AKT3: variants seen among roughly 807,000 people sequenced by gnomAD.
AKT3 encodes the protein RAC-gamma serine/threonine-protein kinase.
AKT3 carries 15 observed loss-of-function variants against 65.3 expected under a neutral mutation model. The observed-to-expected ratio is 0.23, with a 90% CI of 0.15 to 0.35. The LOEUF is 0.35. Ranked by LOEUF, AKT3 falls within the 10% of genes least tolerant of loss-of-function variation. AKT3 has a pLI of 1.00. For synonymous variants in AKT3, 206 were observed against 183.8 expected, an observed-to-expected ratio of 1.12 and a Z score of -0.98; for missense variants, 243 against 576.5, an observed-to-expected ratio of 0.42 and a Z score of 5.92.
At chr1:243,640,516 T>C (rs915004391) in intron 5 of AKT3, among the ~76,000 whole-genome samples, 1 of 152,178 alleles carries the variant, frequency 6.6e-6, no homozygotes, top group Non-Finnish European at 1.5e-5. Flanking sequence ...TTCTCTCTCT[T>C]GGAAAGCTCT....
At chr1:243,667,882 C>T (rs1682907137) in intron 3 of AKT3, among the ~76,000 whole-genome samples, 1 of 152,132 alleles carries the variant, frequency 6.6e-6, no homozygotes, top group African/African-American at 2.4e-5. Context: ...GCACTACACT[C>T]TTTCTGCTTT....
At chr1:243,767,956 G>A (rs1689935136) in intron 2 of AKT3, among the ~76,000 whole-genome samples, 1 of 151,632 alleles carries the variant, frequency 6.6e-6, no homozygotes, top group South Asian at 2.1e-4. Flanking sequence ...AATTTCCATA[G>A]GATCAAAGCT....
intron 2 of AKT3, among the ~76,000 whole-genome samples, chr1:243,745,379 A>T (rs1688417448): frequency 6.6e-6 from 1 of 152,220 alleles, no homozygotes; most frequent in South Asian, 2.1e-4. Flanking sequence ...AATTTTTAAG[A>T]AAACGAGATA....
intron 9 of AKT3, among the ~76,000 whole-genome samples, chr1:243,568,876 T>G (rs1205160793): frequency 6.6e-6 from 1 of 152,192 alleles, no homozygotes; most frequent in East Asian, 1.9e-4. Context: ...TCTGAGAAGC[T>G]AGGCTTGAAT....
At chr1:243,586,418 T>C (rs1675808808) in intron 8 of AKT3, among the ~76,000 whole-genome samples, 1 of 152,154 alleles carries the variant, frequency 6.6e-6, no homozygotes, top group African/African-American at 2.4e-5. Context: ...GAAAACAAAT[T>C]GTTCTATAAA....
At position 243,791,143 on chromosome 1, in the gene AKT3, C is replaced by T. The variant is rs147181711; in HGVS notation, c.46+51982G>A. ...GCAGTATTAGCAAAGTGCAATAAAACAAGCTAGGCCTGTACTTTAAATCAT... is the reference window on the plus strand; with the variant it reads ...GCAGTATTAGCAAAGTGCAATAAAATAAGCTAGGCCTGTACTTTAAATCAT... On this transcript the variant is annotated intron_variant, in intron 2 of 13. Coordinates refer to ENST00000673466, the MANE Select transcript of AKT3 (RefSeq NM_005465.7). Among the ~76,000 whole-genome samples, 545 of 152,256 alleles carry T rather than the reference C, an allele frequency of 3.6e-3. 2 individuals are homozygous for T. The highest frequency in any genetic ancestry group is 0.012 in the South Asian group (57 of 4,826).
intron 2 of AKT3, among the ~76,000 whole-genome samples, chr1:243,705,217 T>C (rs574773547): frequency 2.6e-5 from 4 of 152,286 alleles, no homozygotes; most frequent in Admixed American, 1.3e-4. Context: ...TGAAGTATAG[T>C]TTTCATATCG....
intron 2 of AKT3, among the ~76,000 whole-genome samples, chr1:243,809,021 C>T (rs1692941803): frequency 6.6e-6 from 1 of 152,120 alleles, no homozygotes; most frequent in African/African-American, 2.4e-5. Flanking sequence ...TAAAAGAGCT[C>T]CTGAAGGAGG....
At chr1:243,704,477 A>C (rs553426743) in intron 2 of AKT3, among the ~76,000 whole-genome samples, 1 of 152,176 alleles carries the variant, frequency 6.6e-6, no homozygotes, top group South Asian at 2.1e-4. Flanking sequence ...CATTTCTTTA[A>C]CCATTCTTAG....
At chr1:243,523,584 T>G (rs963321048) in intron 12 of AKT3, among the ~76,000 whole-genome samples, 2 of 152,172 alleles carry the variant, frequency 1.3e-5, no homozygotes, top group African/African-American at 4.8e-5. Flanking sequence ...CATTTTAAGA[T>G]GAAGAAAACA....
In AKT3 at chr1:243,758,928, G is replaced by C. The variant is rs190251968; in HGVS notation, c.47-63212C>G. 8.5e-5 allele frequency among the ~76,000 whole-genome samples: 13 copies of C among 152,212 alleles called. No individual in the cohort carries two copies. The East Asian group carries it at 2.1e-3, about 25-fold the overall frequency. ...CCTATAGATTCCTGAAAGGACTTTC[G>C]GCTTTTACTGATATGGGACGCTACA... On this transcript the variant is annotated intron_variant, in intron 2 of 13. Transcript: ENST00000673466.
At chr1:243,696,572 C>T (rs767833596) in intron 2 of AKT3, among the ~76,000 whole-genome samples, 1 of 151,956 alleles carries the variant, frequency 6.6e-6, no homozygotes, top group Non-Finnish European at 1.5e-5. Flanking sequence ...GTTATTTCTA[C>T]CTGCTGATTA....
intron 8 of AKT3, among the ~76,000 whole-genome samples, chr1:243,578,051 T>C (rs1675072236): frequency 6.6e-6 from 1 of 152,162 alleles, no homozygotes; most frequent in Admixed American, 6.5e-5. Context: ...CTAGTGGGGC[T>C]ACAGAGAGAT....
chr1:243,641,552 T>C (rs368244028), intron 5 of AKT3, among the ~76,000 whole-genome samples: 2 of 151,914 alleles, frequency 1.3e-5, no homozygotes, highest in East Asian at 3.9e-4. Flanking sequence ...GGGGTAAAAA[T>C]TAGAAAACAA....
intron 2 of AKT3, among the ~76,000 whole-genome samples, chr1:243,827,317 T>TA (rs946876778): frequency 6.6e-6 from 1 of 152,172 alleles, no homozygotes; most frequent in Non-Finnish European, 1.5e-5. Context: ...CCACTTCTCA[T>TA]AAACAGCCAC....
intron 2 of AKT3, among the ~76,000 whole-genome samples, chr1:243,817,019 T>C (rs1243771744): frequency 1.3e-5 from 2 of 152,200 alleles, no homozygotes; most frequent in Non-Finnish European, 2.9e-5. Flanking sequence ...TTAGAAGAAC[T>C]GGTGGCTTCC....
At chr1:243,552,288 C>CAAAAAAAAAAAAAAAAA (rs33995513) in intron 11 of AKT3, among the ~76,000 whole-genome samples, 2 of 50,166 alleles carry the variant, frequency 4.0e-5, no homozygotes, top group African/African-American at 1.0e-4. Context: ...GACTCTGTCT[C>CAAAAAAAAAAAAAAAAA]AAAAAAAAAA....
At chr1:243,563,321 A>C (rs1673923643) in intron 10 of AKT3, among the ~76,000 whole-genome samples, 1 of 152,236 alleles carries the variant, frequency 6.6e-6, no homozygotes, top group Non-Finnish European at 1.5e-5. Flanking sequence ...ATAATTTTAA[A>C]TAAACCCACA....
chr1:243,595,172 C>A (rs867805012), intron 8 of AKT3, among the ~76,000 whole-genome samples: 1 of 152,146 alleles, frequency 6.6e-6, no homozygotes, highest in African/African-American at 2.4e-5. Flanking sequence ...TAGGTACAGA[C>A]CTGTACAGCA....
Sources: allele counts gnomAD v4.1 joint callset (sites outside exome capture counted in the v4.1 genomes callset), GRCh38; gene constraint gnomAD v4.1.1; transcripts MANE v1.5; gene names NCBI Gene and HGNC (gene_info 2026-07-23, HGNC 2026-07-21).